The following PTPRT variants were observed in gnomAD, a reference collection of about 807,000 sequenced individuals.
PTPRT encodes the protein receptor-type tyrosine-protein phosphatase T.
A neutral mutation model predicts 176.8 loss-of-function variants in PTPRT; 56 were observed. The observed-to-expected ratio is 0.32, with a 90% CI of 0.26 to 0.40. The LOEUF is 0.40. PTPRT is among the 10% of genes least tolerant of loss of function. The probability of loss-of-function intolerance (pLI) is 1.00; values close to 1 mark genes in which losing one functional copy is unlikely to be tolerated. For missense variants in PTPRT, 1,540 were observed against 1,908.2 expected, an observed-to-expected ratio of 0.81 and a Z score of 3.60; for synonymous variants, 783 against 739.0, an observed-to-expected ratio of 1.06 and a Z score of -0.96.
At chr20:42,134,836 GCCTAGCACAC>G (rs921414523) in intron 18 of PTPRT, among the ~76,000 whole-genome samples, 20 of 152,164 alleles carry the variant, frequency 1.3e-4, no homozygotes, top group Admixed American at 1.3e-3. Flanking sequence ...AGAGGACAAA[GCCTAGCACAC>G]CCTGCAATGT....
intron 4 of PTPRT, among the ~76,000 whole-genome samples, chr20:42,776,865 T>C: frequency 6.7e-6 from 1 of 149,240 alleles, no homozygotes; most frequent in African/African-American, 2.4e-5. Context: ...TACAATTATA[T>C]AATATATAGA....
rs569145870 is a variant in PTPRT, at chr20:42,234,694, T to C, written c.2342+1535A>G. 2.6e-5 allele frequency among the ~76,000 whole-genome samples: 4 copies of C among 152,366 alleles called. No homozygotes were observed. The East Asian group carries it at 7.7e-4, about 29-fold the overall frequency. ...ACTGTGAGGCTGAACCTCTGGGTTC[T>C]AGCCATTTCTTCATCCACACCATAT... On this transcript the variant is annotated intron_variant, in intron 15 of 30. Transcript: ENST00000373187.
chr20:42,269,267 T>C (rs183577077), intron 13 of PTPRT, among the ~76,000 whole-genome samples: 46 of 152,314 alleles, frequency 3.0e-4, no homozygotes, highest in African/African-American at 8.7e-4. Context: ...CCAGCAGTGA[T>C]GTCTCTGAGT....
intron 7 of PTPRT, among the ~76,000 whole-genome samples, chr20:42,511,489 T>C (rs929173063): frequency 1.3e-5 from 2 of 151,752 alleles, no homozygotes; most frequent in African/African-American, 4.8e-5. Context: ...GCACTGAATA[T>C]AGTACTCATC....
intron 1 of PTPRT, among the ~76,000 whole-genome samples, chr20:43,140,516 A>G (rs2013972837): frequency 6.7e-6 from 1 of 148,152 alleles, no homozygotes; most frequent in Non-Finnish European, 1.5e-5. Flanking sequence ...ACGTGTGTGT[A>G]AGTACATGCA....
chr20:42,628,635 T>G (rs1478458239), intron 7 of PTPRT, among the ~76,000 whole-genome samples: 1 of 152,132 alleles, frequency 6.6e-6, no homozygotes, highest in Non-Finnish European at 1.5e-5. Flanking sequence ...ATATACAATA[T>G]CTGATTAAAT....
At chr20:42,213,954 G>A (rs1002220582) in intron 15 of PTPRT, among the ~76,000 whole-genome samples, 14 of 152,166 alleles carry the variant, frequency 9.2e-5, no homozygotes, top group Non-Finnish European at 1.9e-4. Context: ...GATGTTATTT[G>A]TTTAATAAAC....
chr20:42,878,860 C>G (rs536865554), intron 2 of PTPRT, among the ~76,000 whole-genome samples: 1 of 152,184 alleles, frequency 6.6e-6, no homozygotes, highest in South Asian at 2.1e-4. Flanking sequence ...AACCCCGTCT[C>G]TACTAAAAAT....
chr20:42,178,384 G>C (rs1428612009), intron 16 of PTPRT, among the ~76,000 whole-genome samples: 2 of 152,146 alleles, frequency 1.3e-5, no homozygotes. Context: ...AAGCTTTGAG[G>C]ATCCCTGGCA....
At chr20:42,614,314 T>C (rs1378422786) in intron 7 of PTPRT, among the ~76,000 whole-genome samples, 1 of 152,188 alleles carries the variant, frequency 6.6e-6, no homozygotes, top group Non-Finnish European at 1.5e-5. Context: ...TATCTTAATT[T>C]AACTGCATGC....
chr20:42,918,020 C>A (rs1231756890), intron 1 of PTPRT, among the ~76,000 whole-genome samples: 1 of 152,134 alleles, frequency 6.6e-6, no homozygotes, highest in East Asian at 1.9e-4. Flanking sequence ...TCCTGCAACA[C>A]TTTTGCCCAC....
intron 17 of PTPRT, among the ~76,000 whole-genome samples, chr20:42,143,556 C>CA (rs36027241): frequency 0.14 from 14,061 of 97,320 alleles, 1,027 homozygotes; most frequent in East Asian, 0.32. Flanking sequence ...GACTCTGTTT[C>CA]AAAAAAAAAA....
intron 1 of PTPRT, among the ~76,000 whole-genome samples, chr20:42,911,714 C>T (rs1414508593): frequency 2.0e-5 from 3 of 152,132 alleles, no homozygotes; most frequent in African/African-American, 7.2e-5. Context: ...ACACAATCCC[C>T]TCTAAACCGC....
rs112881309 is a variant in PTPRT at position 42,979,677 on chromosome 20, T to C, written c.89-93745A>G. Among the ~76,000 whole-genome samples, 1,087 of 152,218 alleles carry C rather than the reference T, an allele frequency of 7.1e-3. 18 individuals carry two copies. The highest frequency in any genetic ancestry group is 0.025 in the African/African-American group (1,031 of 41,508). On this transcript the variant is annotated intron_variant, in intron 1 of 30. Transcript: ENST00000373187. Reference sequence around the variant, plus strand: ...GTAATCTCAGGGATGACAACTCCAGTGTGCACCAAAAACCCTTAGAAAAAT... The same window carrying C: ...GTAATCTCAGGGATGACAACTCCAGCGTGCACCAAAAACCCTTAGAAAAAT...
intron 7 of PTPRT, among the ~76,000 whole-genome samples, chr20:42,623,713 G>C (rs543632269): frequency 6.6e-6 from 1 of 152,034 alleles, no homozygotes; most frequent in Non-Finnish European, 1.5e-5. Context: ...GCTTCTTCTG[G>C]GACCCCTTGT....
intron 9 of PTPRT, among the ~76,000 whole-genome samples, chr20:42,369,448 C>T (rs562829573): frequency 6.6e-6 from 1 of 152,194 alleles, no homozygotes; most frequent in Non-Finnish European, 1.5e-5. Flanking sequence ...ACCTATGCTT[C>T]GCAGGCTACT....
In PTPRT at chr20:43,149,690, A is replaced by C. The variant is rs75382251; in HGVS notation, c.88+39956T>G. 8.3e-3 allele frequency among the ~76,000 whole-genome samples: 1,270 copies of C among 152,330 alleles called. 17 individuals carry two copies. Among genetic ancestry groups the C allele is most frequent in the African/African-American group, 0.029 (1,207 of 41,570 alleles). On this transcript the variant is annotated intron_variant, in intron 1 of 30. Coordinates refer to ENST00000373187, the MANE Select transcript of PTPRT (RefSeq NM_007050.6). ...GGTAACATGTGTGAAAGGCCCTAGC[A>C]CTTTCTCACTTAGCAACCATGCATG... is the stretch of plus-strand genomic sequence containing the variant.
At chr20:42,099,546 C>CGAGGG (rs1262251876) in intron 26 of PTPRT, among the ~76,000 whole-genome samples, 2 of 28,916 alleles carry the variant, frequency 6.9e-5, no homozygotes, top group East Asian at 2.0e-3. Context: ...ATGGCCTGGG[C>CGAGGG]GGGGGGGGGG....
At chr20:42,266,654 G>A (rs769979927) in intron 13 of PTPRT, among the ~76,000 whole-genome samples, 1 of 152,130 alleles carries the variant, frequency 6.6e-6, no homozygotes, top group African/African-American at 2.4e-5. Flanking sequence ...CTCGCACCCA[G>A]CTGTGACAAC....
Sources: allele counts gnomAD v4.1 joint callset (sites outside exome capture counted in the v4.1 genomes callset), GRCh38; gene constraint gnomAD v4.1.1; transcripts MANE v1.5; gene names NCBI Gene and HGNC (gene_info 2026-07-23, HGNC 2026-07-21).